COL4A5: variants seen among roughly 807,000 people sequenced by gnomAD.
COL4A5 encodes the protein collagen type IV alpha 5 chain, also known as collagen alpha-5(IV) chain.
A neutral mutation model predicts 130.2 loss-of-function variants in COL4A5; 26 were observed. The ratio of observed to expected loss-of-function variants is 0.20; its 90% CI spans 0.15 to 0.28. The LOEUF (loss-of-function observed/expected upper bound fraction) is 0.28. COL4A5 is among the 10% of genes least tolerant of loss of function. COL4A5 has a pLI of 1.00. For synonymous variants in COL4A5, 496 were observed against 439.6 expected, an observed-to-expected ratio of 1.13 and a Z score of -1.60; for missense variants, 1,131 against 1,344.3, an observed-to-expected ratio of 0.84 and a Z score of 2.48.
chrX:108,473,633 A>ATATATATATATATATATATAT, intron 1 of COL4A5, among the ~76,000 whole-genome samples: 1 of 34,567 alleles, frequency 2.9e-5, no homozygotes, highest in Non-Finnish European at 6.0e-5. Context: ...ATATATATAT[A>ATATATATATATATATATATAT]TTTTTTTTTT....
At chrX:108,625,871 G>T (rs2067144294) in intron 35 of COL4A5, 77 bp downstream of exon 35, 2 of 753,239 alleles carry the variant, frequency 2.7e-6, no homozygotes. Context: ...TGTCAGAAAA[G>T]AGGCTGGTGT....
intron 2 of COL4A5, among the ~76,000 whole-genome samples, chrX:108,545,363 T>G (rs1248823629): frequency 1.8e-5 from 2 of 112,019 alleles, no homozygotes; most frequent in East Asian, 2.8e-4. Flanking sequence ...CATTTCCTTA[T>G]GTACCCAGTA....
At chrX:108,517,941 T>C (rs997305144) in intron 1 of COL4A5, among the ~76,000 whole-genome samples, 12 of 111,141 alleles carry the variant, frequency 1.1e-4, no homozygotes, top group South Asian at 7.5e-4. Context: ...CTTATTGTCC[T>C]TATTGGGTTT....
chrX:108,655,705 T>C (rs2147935845), intron 37 of COL4A5, among the ~76,000 whole-genome samples: 1 of 112,838 alleles, frequency 8.9e-6, no homozygotes, highest in Non-Finnish European at 1.9e-5. Context: ...GTGGAGCATT[T>C]TTCAATCTTT....
intron 44 of COL4A5, among the ~76,000 whole-genome samples, chrX:108,680,304 C>T (rs769075079): frequency 8.9e-6 from 1 of 111,826 alleles, no homozygotes; most frequent in African/African-American, 3.2e-5. Context: ...AGGTATGTGA[C>T]ATTTCCCTTA....
intron 1 of COL4A5, among the ~76,000 whole-genome samples, chrX:108,527,344 G>A (rs1305255167): frequency 4.5e-5 from 5 of 111,261 alleles, no homozygotes; most frequent in African/African-American, 1.6e-4. Flanking sequence ...CAATTTCTAG[G>A]TTGTATATGT....
In COL4A5 at chrX:108,565,987, T is replaced by C. The variant is rs765043551; in HGVS notation, c.276+2061T>C. Among the ~76,000 whole-genome samples, 298 of 106,427 alleles carry C rather than the reference T, an allele frequency of 2.8e-3. 2 individuals carry two copies. The highest frequency in any genetic ancestry group is 9.5e-3 in the African/African-American group (278 of 29,194). The allele number at this position is 106,427 out of a possible 115,157, so 92.4% of individuals were successfully genotyped here. A position where few individuals can be genotyped will look rare whatever the true frequency, so the allele number is the denominator to read the frequency against. ...GCATGAATATCAGGCTATTCTTCTT[T>C]TTTTTTTTTTTTTTTGATGTTAGGT... On this transcript the variant is annotated intron_variant, in intron 4 of 52. Transcript: ENST00000328300.
In COL4A5 at chrX:108,597,050, T is replaced by A; in HGVS notation, c.1569T>A (p.Thr523=). The change falls in exon 23 of 53, where the codon ACT becomes ACA. Residue 523 remains threonine (T), a synonymous_variant. Transcript: ENST00000328300. ...GGGAAAAAGGACAAGCTGGTGCAAC[T>A]GGTCCCAAAGGATTACCAGTAAGTT... ...QKGEKGQAGA[T]GPKGLPGIPG... 1 of 1,193,850 alleles carries A rather than the reference T, an allele frequency of 8.4e-7. No individual in the cohort carries two copies. The highest frequency in any genetic ancestry group is 1.1e-6 in the Non-Finnish European group (1 of 884,393).
intron 1 of COL4A5, among the ~76,000 whole-genome samples, chrX:108,514,009 T>C (rs1193948720): frequency 8.9e-6 from 1 of 112,077 alleles, no homozygotes; most frequent in African/African-American, 3.2e-5. Context: ...TTTTGGAATA[T>C]GTTTTTTCCC....
Position 108,690,968 on chromosome X carries a change from A to C in COL4A5, c.4529-1780A>C, listed in dbSNP as rs377215379. Among the ~76,000 whole-genome samples, 65 of 112,046 alleles carry C rather than the reference A, an allele frequency of 5.8e-4. 1 individual carries two copies. Among genetic ancestry groups the C allele is most frequent in the African/African-American group, 2.0e-3 (62 of 30,816 alleles). On this transcript the variant is annotated intron_variant, in intron 49 of 52. Transcript: ENST00000328300. Reference sequence around the variant, plus strand: ...AGATGTGGTATATATACACAATGGAATATTATTCAGCCATATAAAAAATGA... The same window carrying C: ...AGATGTGGTATATATACACAATGGACTATTATTCAGCCATATAAAAAATGA...
intron 1 of COL4A5, among the ~76,000 whole-genome samples, chrX:108,506,874 T>G (rs1380434708): frequency 9.0e-6 from 1 of 110,635 alleles, no homozygotes; most frequent in Non-Finnish European, 1.9e-5. Flanking sequence ...GCCTCCTGAG[T>G]AGCTGGGATT....
intron 10 of COL4A5, among the ~76,000 whole-genome samples, chrX:108,576,598 C>G (rs2066154068): frequency 8.9e-6 from 1 of 112,381 alleles, no homozygotes; most frequent in Non-Finnish European, 1.9e-5. Context: ...TTTGGACTTA[C>G]AGCTTTGCTG....
rs1178649339 is a variant in COL4A5 at position 108,446,635 on chromosome X, T to C, written c.81+6429T>C. 1.2e-4 allele frequency among the ~76,000 whole-genome samples: 13 copies of C among 112,046 alleles called. No homozygotes were observed. In the Admixed American group the frequency reaches 1.2e-3, roughly 11 times the overall value. ...ATATACAAGGAATCAGAAGCCCACA[T>C]TGGTTAAATAACTTGCCAAAGGTCG... On this transcript the variant is annotated intron_variant, in intron 1 of 52. Coordinates refer to ENST00000328300, the MANE Select transcript of COL4A5 (RefSeq NM_033380.3).
chrX:108,563,321 A>G (rs1287015813), intron 3 of COL4A5, among the ~76,000 whole-genome samples: 1 of 111,711 alleles, frequency 9.0e-6, no homozygotes, highest in Admixed American at 9.5e-5. Context: ...ACATACACAC[A>G]TGGGTAGGTT....
chrX:108,587,633 C>T (rs967189094), intron 19 of COL4A5, among the ~76,000 whole-genome samples: 1 of 111,346 alleles, frequency 9.0e-6, no homozygotes, highest in Admixed American at 9.6e-5. Context: ...TGAATATATA[C>T]CCAGACGTGA....
intron 8 of COL4A5, 152 bp from the exon 9 acceptor site, chrX:108,573,422 T>C: frequency 2.0e-6 from 1 of 512,655 alleles, no homozygotes; most frequent in South Asian, 2.7e-5. Flanking sequence ...CATTTTCCTT[T>C]AAAAGGTAAA....
chrX:108,685,954 G>A (rs2068534531), intron 47 of COL4A5, 77 bp from the exon 48 acceptor site: 2 of 873,457 alleles, frequency 2.3e-6, no homozygotes, highest in Non-Finnish European at 3.4e-6. Context: ...AGTGTCTCGA[G>A]AACCTTATGT....
At chrX:108,572,467 G>A (rs954885073) in intron 8 of COL4A5, among the ~76,000 whole-genome samples, 4 of 111,250 alleles carry the variant, frequency 3.6e-5, no homozygotes, top group African/African-American at 1.3e-4. Context: ...ATCTTTATAT[G>A]TTATGTACAC....
chrX:108,671,749 CAAA>C (rs1313985975), intron 42 of COL4A5, among the ~76,000 whole-genome samples: 1 of 111,596 alleles, frequency 9.0e-6, no homozygotes, highest in Non-Finnish European at 1.9e-5. Flanking sequence ...ATTTAGACAT[CAAA>C]GGTGGGAGAT....
Sources: gnomAD v4.1 joint callset for allele counts (sites outside exome capture counted in the v4.1 genomes callset) on GRCh38, gnomAD v4.1.1 for gene constraint, MANE v1.5 for transcripts, NCBI Gene and HGNC (gene_info 2026-07-23, HGNC 2026-07-21) for gene names.